The following EPHB2 variants were observed in gnomAD, a reference collection of about 807,000 sequenced individuals.
The protein encoded by EPHB2 is ephrin type-B receptor 2.
EPHB2 carries 18 observed loss-of-function variants against 96.4 expected under a neutral mutation model. The observed-to-expected ratio is 0.19, with a 90% CI of 0.13 to 0.28. The LOEUF (loss-of-function observed/expected upper bound fraction) is 0.28. Ranked by LOEUF, EPHB2 falls within the 10% of genes least tolerant of loss-of-function variation. The pLI, the probability that EPHB2 is intolerant of heterozygous loss-of-function variation, is 1.00. For synonymous variants in EPHB2, 506 were observed against 534.1 expected, an observed-to-expected ratio of 0.95 and a Z score of 0.72; for missense variants, 989 against 1,355.4, an observed-to-expected ratio of 0.73 and a Z score of 4.25.
At chr1:22,828,004 C>T (rs1174109884) in intron 3 of EPHB2, among the ~76,000 whole-genome samples, 1 of 152,218 alleles carries the variant, frequency 6.6e-6, no homozygotes, top group Non-Finnish European at 1.5e-5. Context: ...CACACAGCCA[C>T]ACACTCAGAA....
chr1:22,836,020 TGAAA>T (rs1287682530), intron 3 of EPHB2: 1 of 151,918 alleles, frequency 6.6e-6, no homozygotes, highest in Non-Finnish European at 1.5e-5. Flanking sequence ...ATCTGTGAGA[TGAAA>T]CAGAGAAAGG....
rs781457963 is a variant in EPHB2, at chr1:22,912,580, G to A, written c.2833G>A (p.Val945Met). 4.3e-6 allele frequency: 7 copies of A among 1,613,924 alleles called. No homozygotes were observed. Among genetic ancestry groups the A allele is most frequent in the Non-Finnish European group, 5.9e-6 (7 of 1,180,024 alleles). The change falls in exon 15 of 16, where the codon GTG (valine) becomes ATG (methionine). Residue 945 changes from valine (V) to methionine (M), a missense_variant. Transcript: ENST00000374630. ...ANAGFTSFDV[V>M]SQMMMEDILR... is the part of the protein sequence containing the mutation. ...TGCCGGCTTCACCTCCTTTGACGTC[G>A]TGTCTCAGATGATGATGGAGTAAGT...
chr1:22,878,531 C>T (rs1638920925), intron 5 of EPHB2, among the ~76,000 whole-genome samples: 1 of 152,258 alleles, frequency 6.6e-6, no homozygotes, highest in African/African-American at 2.4e-5. Flanking sequence ...ACTCCACAAA[C>T]TGAAGAATTC....
chr1:22,873,077 G>A (rs1162739985), intron 5 of EPHB2, among the ~76,000 whole-genome samples: 1 of 152,242 alleles, frequency 6.6e-6, no homozygotes, highest in Non-Finnish European at 1.5e-5. Flanking sequence ...AAAAATAACA[G>A]ATAGCCACTG....
At chr1:22,822,603 C>A (rs1309481076) in intron 3 of EPHB2, among the ~76,000 whole-genome samples, 1 of 152,248 alleles carries the variant, frequency 6.6e-6, no homozygotes, top group African/African-American at 2.4e-5. Context: ...TGACCTTGCC[C>A]TGATGGGATA....
chr1:22,736,857 G>A (rs1330002618), intron 1 of EPHB2, among the ~76,000 whole-genome samples: 2 of 152,104 alleles, frequency 1.3e-5, no homozygotes, highest in African/African-American at 2.4e-5. Context: ...GGACTCAGCC[G>A]GCCCCCTCCC....
intron 3 of EPHB2, among the ~76,000 whole-genome samples, chr1:22,856,691 T>G (rs1645705008): frequency 6.6e-6 from 1 of 152,194 alleles, no homozygotes; most frequent in African/African-American, 2.4e-5. Flanking sequence ...AGCCTCAGTT[T>G]CCTTATCTGT....
Position 22,913,687 on chromosome 1 carries a change from C to A in EPHB2, c.*117C>A. ...AGCCACTCGCCAGGAGGCCACGGGCCACGGGAAGAACCAAGCGGTGCCAGC... is the reference window on the plus strand; with the variant it reads ...AGCCACTCGCCAGGAGGCCACGGGCAACGGGAAGAACCAAGCGGTGCCAGC... On this transcript the variant is annotated 3_prime_UTR_variant, in exon 16 of 16. Coordinates refer to ENST00000374630, the MANE Select transcript of EPHB2 (RefSeq NM_017449.5). The surrounding 1 kb of genome is among the most constrained non-coding windows in gnomAD (Gnocchi z 4.1). The A allele has an allele frequency of 6.2e-7, 1 of 1,603,578 alleles. No homozygotes were observed. The highest frequency in any genetic ancestry group is 8.5e-7 in the Non-Finnish European group (1 of 1,175,276).
At chr1:22,825,692 G>A (rs1297136284) in intron 3 of EPHB2, among the ~76,000 whole-genome samples, 1 of 152,236 alleles carries the variant, frequency 6.6e-6, no homozygotes, top group Non-Finnish European at 1.5e-5. Context: ...GGAGCCAGGG[G>A]CTAGGGCCAC....
intron 3 of EPHB2, among the ~76,000 whole-genome samples, chr1:22,855,759 A>G (rs1002419712): frequency 6.6e-6 from 1 of 152,222 alleles, no homozygotes; most frequent in Non-Finnish European, 1.5e-5. Context: ...AACTTGTTTA[A>G]TCTTCCCAAC....
At chr1:22,803,693 GTGTGTATATATATGTATA>G (rs927202363) in intron 3 of EPHB2, among the ~76,000 whole-genome samples, 6 of 142,586 alleles carry the variant, frequency 4.2e-5, no homozygotes, top group East Asian at 2.0e-4. Flanking sequence ...GTATATATAT[GTGTGTATATATATGTATA>G]TGTGTATATA....
chr1:22,897,682 G>A (rs2124027373), intron 9 of EPHB2, among the ~76,000 whole-genome samples: 1 of 152,292 alleles, frequency 6.6e-6, no homozygotes, highest in South Asian at 2.1e-4. Flanking sequence ...AGCTACTCAG[G>A]AGGCTGAGGC....
rs1570272062 is a variant in EPHB2, at chr1:22,784,867, T to C, written c.602T>C (p.Ile201Thr). The C allele has an allele frequency of 1.2e-6, 2 of 1,613,216 alleles. No homozygotes were observed. The highest frequency in any genetic ancestry group is 4.5e-5 in the East Asian group (2 of 44,862). ...RVFYRKCPRIIQNGAIFQETL... is the reference protein window; with the variant it reads ...RVFYRKCPRITQNGAIFQETL... The stretch of plus-strand genomic sequence containing the variant: ...TTCTACCGCAAGTGCCCCCGCATCA[T>C]CCAGAATGGCGCCATCTTCCAGGAA... Residue 201 changes from isoleucine (I) to threonine (T), a missense_variant, in exon 3 of 16, where the codon ATC becomes ACC. By Grantham distance (89) the Ile-to-Thr change is moderately conservative. Transcript: ENST00000374630. This position sits in a 1 kb window ranked among gnomAD's most constrained non-coding sequence, Gnocchi z 5.1.
intron 3 of EPHB2, among the ~76,000 whole-genome samples, chr1:22,826,902 A>G (rs1017495841): frequency 2.0e-5 from 3 of 152,094 alleles, no homozygotes; most frequent in African/African-American, 7.2e-5. Context: ...CACAGGTCCA[A>G]ACCTAGAGAG....
At position 22,876,773 on chromosome 1, in the gene EPHB2, C is replaced by T. The variant is rs532328871; in HGVS notation, c.1304-5586C>T. ...GAGCATCCAGCTGTTCCCTTTTCTCCGCCGTTAATCCCCCTGGATTCCAGG... is the reference window on the plus strand; with the variant it reads ...GAGCATCCAGCTGTTCCCTTTTCTCTGCCGTTAATCCCCCTGGATTCCAGG... On this transcript the variant is annotated intron_variant, in intron 5 of 15. Transcript: ENST00000374630. Among the ~76,000 whole-genome samples, 676 of 152,330 alleles carry T rather than the reference C, an allele frequency of 4.4e-3. 1 individual carries two copies. The highest frequency in any genetic ancestry group is 0.016 in the African/African-American group (647 of 41,568).
chr1:22,907,548 G>A (rs189843952), intron 11 of EPHB2, among the ~76,000 whole-genome samples: 1 of 152,348 alleles, frequency 6.6e-6, no homozygotes, highest in Non-Finnish European at 1.5e-5. Context: ...CTGCCATTCA[G>A]TAAATATTTG....
intron 1 of EPHB2, among the ~76,000 whole-genome samples, chr1:22,778,180 C>T (rs1481885719): frequency 6.6e-6 from 1 of 152,156 alleles, no homozygotes; most frequent in East Asian, 1.9e-4. Flanking sequence ...TGTGCATCAC[C>T]ATGCCTGACT....
At chr1:22,796,895 A>G (rs910399188) in intron 3 of EPHB2, among the ~76,000 whole-genome samples, 2 of 152,232 alleles carry the variant, frequency 1.3e-5, no homozygotes, top group Non-Finnish European at 2.9e-5. Context: ...CAGAGAGGTT[A>G]AATAACCAAG....
chr1:22,893,909 C>T (rs767230890), intron 7 of EPHB2, among the ~76,000 whole-genome samples: 2 of 152,232 alleles, frequency 1.3e-5, no homozygotes, highest in African/African-American at 4.8e-5. Flanking sequence ...TCCAGGGTGA[C>T]TCTGTCTGAC....
Sources: gnomAD v4.1 joint callset for allele counts (sites outside exome capture counted in the v4.1 genomes callset) on GRCh38, gnomAD v4.1.1 for gene constraint, Gnocchi (gnomAD v3.1) non-coding constraint, MANE v1.5 for transcripts, NCBI Gene and HGNC (gene_info 2026-07-23, HGNC 2026-07-21) for gene names.